Variants in NRXN2 observed in about 807,000 individuals in gnomAD.
NRXN2 encodes neurexin 2.
Under a neutral mutation model 128.8 loss-of-function variants are expected in NRXN2, and 29 were observed. The ratio of observed to expected loss-of-function variants is 0.23; its 90% CI spans 0.17 to 0.31. The LOEUF (loss-of-function observed/expected upper bound fraction) is 0.31, where lower values mean the gene tolerates loss of function less well. Among genes scored for constraint, NRXN2 ranks in the 10% least tolerant of loss-of-function variants. The probability of loss-of-function intolerance (pLI) is 1.00; values close to 1 mark genes in which losing one functional copy is unlikely to be tolerated. For synonymous variants in NRXN2, 1,098 were observed against 1,075.2 expected (o/e 1.02, Z -0.41); for missense variants, 1,881 against 2,452.6 (o/e 0.77, Z 4.92).
intron 17 of NRXN2, among the ~76,000 whole-genome samples, chr11:64,636,412 T>TG (rs1348752997): frequency 6.2e-5 from 4 of 64,896 alleles, no homozygotes; most frequent in Admixed American, 1.5e-4. Context: ...GGGGTGGGGG[T>TG]GGGGGGCTGG....
chr11:64,655,378 G>A (rs1306436682), intron 11 of NRXN2, among the ~76,000 whole-genome samples: 1 of 152,170 alleles, frequency 6.6e-6, no homozygotes, highest in Non-Finnish European at 1.5e-5. Flanking sequence ...AGAGAAAAGA[G>A]GAAGAAAACG....
At chr11:64,634,738 G>T (rs572105160) in intron 18 of NRXN2, among the ~76,000 whole-genome samples, 7 of 152,270 alleles carry the variant, frequency 4.6e-5, no homozygotes, top group Admixed American at 3.3e-4. Context: ...GGAGGGCAAA[G>T]GTCACGGAAG....
intron 3 of NRXN2, among the ~76,000 whole-genome samples, chr11:64,693,538 G>A (rs1015314929): frequency 6.6e-6 from 1 of 152,100 alleles, no homozygotes; most frequent in Non-Finnish European, 1.5e-5. Flanking sequence ...GGAAAGATGG[G>A]GGGATATAAA....
intron 6 of NRXN2, among the ~76,000 whole-genome samples, chr11:64,680,777 C>A (rs115931930): frequency 0.017 from 2,653 of 152,158 alleles, 65 homozygotes; most frequent in African/African-American, 0.06. Context: ...GAGGAAGGAC[C>A]AGGAGAGGTG....
chr11:64,636,299 G>A (rs1473472513), intron 17 of NRXN2, among the ~76,000 whole-genome samples: 1 of 151,692 alleles, frequency 6.6e-6, no homozygotes, highest in East Asian at 2.0e-4. Context: ...TTCGCCAGCC[G>A]GCTGCTGGGG....
In NRXN2 at chr11:64,713,932, A is replaced by C. The variant is rs2057191831; in HGVS notation, c.-233T>G. ...CCGCCGCGGGCTCCGACAGAAGAGCAGGGAGGGATGCCTGCGGGAGAACAG... is the reference window on the plus strand; with the variant it reads ...CCGCCGCGGGCTCCGACAGAAGAGCCGGGAGGGATGCCTGCGGGAGAACAG... On this transcript the variant is annotated 5_prime_UTR_variant, in exon 2 of 23. Coordinates refer to ENST00000265459, the MANE Select transcript of NRXN2 (RefSeq NM_015080.4). The C allele has an allele frequency of 6.2e-6, 1 of 160,850 alleles. No individual in the cohort carries two copies. The highest frequency in any genetic ancestry group is 2.4e-5 in the African/African-American group (1 of 41,596). The allele number at this position is 160,850 out of a possible 1,614,324, so 10.0% of individuals were successfully genotyped here. A position where few individuals can be genotyped will look rare whatever the true frequency, so the allele number is the denominator to read the frequency against.
At chr11:64,688,576 C>T in intron 5 of NRXN2, 2 of 985,344 alleles carry the variant, frequency 2.0e-6, no homozygotes, top group Non-Finnish European at 2.4e-6. Flanking sequence ...CACCAGGGGG[C>T]GCTCTCCCCT....
At position 64,628,255 on chromosome 11, in the gene NRXN2, GA is replaced by G. The variant is rs1193060521; in HGVS notation, c.3758-1704del. Among the ~76,000 whole-genome samples, 6 of 152,296 alleles carry G rather than the reference GA, an allele frequency of 3.9e-5. No homozygotes were observed. The East Asian group carries it at 1.2e-3, about 29-fold the overall frequency. ...TCCGAAGTGGAAACTGAGATTCAGAGAGGCTAGATGACTTGTCCAAGGTTAC... is the reference window on the plus strand; with the variant it reads ...TCCGAAGTGGAAACTGAGATTCAGAGGGCTAGATGACTTGTCCAAGGTTAC... On this transcript the variant is annotated intron_variant, in intron 19 of 22. Transcript: ENST00000265459.
At chr11:64,643,157 C>A in intron 17 of NRXN2, 1 of 908,000 alleles carries the variant, frequency 1.1e-6, no homozygotes, top group Non-Finnish European at 1.3e-6. Flanking sequence ...GAGGGGAGCG[C>A]GGGGGCCAAG....
intron 2 of NRXN2, among the ~76,000 whole-genome samples, chr11:64,711,320 C>G (rs2135667968): frequency 6.6e-6 from 1 of 152,292 alleles, no homozygotes; most frequent in African/African-American, 2.4e-5. Flanking sequence ...TCTAGAGGGA[C>G]CAGGGGAGAG....
At chr11:64,664,301 AC>A (rs1009190807) in intron 9 of NRXN2, among the ~76,000 whole-genome samples, 3 of 151,342 alleles carry the variant, frequency 2.0e-5, no homozygotes, top group African/African-American at 7.3e-5. Flanking sequence ...ACATGGTGAA[AC>A]CCTGTCTCTA....
At chr11:64,711,873 T>C (rs932020439) in intron 2 of NRXN2, among the ~76,000 whole-genome samples, 1 of 152,196 alleles carries the variant, frequency 6.6e-6, no homozygotes, top group Non-Finnish European at 1.5e-5. Context: ...CTGAGGATTT[T>C]GTGGTGAAAA....
At position 64,607,062 on chromosome 11, in the gene NRXN2, G is replaced by C. The variant is rs76259341; in HGVS notation, c.*134C>G. The C allele has an allele frequency of 1.1e-6, 1 of 949,042 alleles. No homozygotes were observed. The highest frequency in any genetic ancestry group is 1.5e-6 in the Non-Finnish European group (1 of 651,218). The allele number at this position is 949,042 out of a possible 1,614,324, so 58.8% of individuals were successfully genotyped here. A position where few individuals can be genotyped will look rare whatever the true frequency, so the allele number is the denominator to read the frequency against. On this transcript the variant is annotated 3_prime_UTR_variant, in exon 23 of 23. Transcript: ENST00000265459. ...ACGGGGTTTTTCCTTTTCTTTTTTT[G>C]CGTTTCCTCTTCGTAAGAGAAGCCT...
rs2047479060 is a variant in NRXN2 at position 64,651,721 on chromosome 11, G to A, written c.2537-85C>T. 6.8e-7 allele frequency: 1 copy of A among 1,470,370 alleles called. No individual in the cohort carries two copies. Among genetic ancestry groups the A allele is most frequent in the South Asian group, 1.2e-5 (1 of 86,228 alleles). 91.1% of individuals were successfully genotyped at this position (1,470,370 alleles called of 1,614,324 possible). On this transcript the variant is annotated intron_variant, in intron 13 of 22. Coordinates refer to ENST00000265459, the MANE Select transcript of NRXN2 (RefSeq NM_015080.4). The surrounding 1 kb of genome is among the most constrained non-coding windows in gnomAD (Gnocchi z 5.9). Reference sequence around the variant, plus strand: ...GTTCCCAGGAGCCTCCCCTCCACAGGAGGGCCACCCATGAGTGACATCTTT... The same window carrying A: ...GTTCCCAGGAGCCTCCCCTCCACAGAAGGGCCACCCATGAGTGACATCTTT...
intron 5 of NRXN2, 118 bp from the exon 6 acceptor site, chr11:64,686,065 C>T: frequency 9.2e-7 from 1 of 1,090,456 alleles, no homozygotes. Context: ...CCCAGAGGTC[C>T]CAACCTGTAG....
chr11:64,700,980 C>T (rs1019480858), intron 2 of NRXN2, among the ~76,000 whole-genome samples: 7 of 152,208 alleles, frequency 4.6e-5, no homozygotes, highest in Non-Finnish European at 7.3e-5. Context: ...CTGGTTCCAC[C>T]TTCTAAAACC....
intron 6 of NRXN2, among the ~76,000 whole-genome samples, chr11:64,681,171 A>C (rs2052219078): frequency 6.6e-6 from 1 of 152,026 alleles, no homozygotes; most frequent in South Asian, 2.1e-4. Context: ...AGAGGACAAG[A>C]AGTAGTTCAG....
At chr11:64,666,916 G>A (rs2049951595) in intron 9 of NRXN2, among the ~76,000 whole-genome samples, 1 of 152,070 alleles carries the variant, frequency 6.6e-6, no homozygotes, top group Non-Finnish European at 1.5e-5. Context: ...TGGCCACTGT[G>A]CTAATGCTTC....
At position 64,661,269 on chromosome 11, in the gene NRXN2, G is replaced by A. The variant is rs377285700; in HGVS notation, c.1799-130C>T. 9.4e-5 allele frequency: 145 copies of A among 1,548,542 alleles called. No homozygotes were observed. In the East Asian group the frequency reaches 1.9e-3, roughly 21 times the overall value. Reference sequence around the variant, plus strand: ...TGCCCTGCAGCAGGCTCAGGAGGACGAGCAGCAGTCCTGGGCTGGAAGCTC... The same window carrying A: ...TGCCCTGCAGCAGGCTCAGGAGGACAAGCAGCAGTCCTGGGCTGGAAGCTC... On this transcript the variant is annotated intron_variant, in intron 9 of 22. Transcript: ENST00000265459.
Sources: allele counts gnomAD v4.1 joint callset (sites outside exome capture counted in the v4.1 genomes callset), GRCh38; gene constraint gnomAD v4.1.1; non-coding constraint Gnocchi (gnomAD v3.1); transcripts MANE v1.5; gene names NCBI Gene and HGNC (gene_info 2026-07-23, HGNC 2026-07-21).